Variants in RCAN1 observed in about 807,000 individuals in gnomAD.
The protein encoded by RCAN1 is calcipressin-1.
In RCAN1, 11 loss-of-function variants were observed where a neutral mutation model predicts 22.9. The ratio of observed to expected loss-of-function variants is 0.48; its 90% CI spans 0.30 to 0.79. The LOEUF is 0.79. Among genes scored for constraint, RCAN1 ranks in the 30% least tolerant of loss-of-function variants. The pLI, the probability that RCAN1 is intolerant of heterozygous loss-of-function variation, is 0.06. For synonymous variants in RCAN1, 136 were observed against 142.3 expected (o/e 0.96, Z 0.32); for missense variants, 291 against 337.8 (o/e 0.86, Z 1.09).
intron 1 of RCAN1, among the ~76,000 whole-genome samples, chr21:34,563,788 T>TAG (rs1349261254): frequency 5.5e-4 from 52 of 94,096 alleles, no homozygotes; most frequent in African/African-American, 1.2e-3. Flanking sequence ...TATATATATA[T>TAG]ATATATAGAG....
At chr21:34,542,445 C>A (rs12627718) in intron 1 of RCAN1, among the ~76,000 whole-genome samples, 1 of 151,962 alleles carries the variant, frequency 6.6e-6, no homozygotes, top group Non-Finnish European at 1.5e-5. Flanking sequence ...CATACAGAGA[C>A]GAACTGAGGC....
intron 3 of RCAN1, among the ~76,000 whole-genome samples, chr21:34,520,900 C>T (rs754817267): frequency 2.6e-5 from 4 of 152,212 alleles, no homozygotes; most frequent in Admixed American, 6.5e-5. Context: ...ACCCCCTCCC[C>T]GCAGTGCTCA....
At chr21:34,579,489 C>A (rs1987530600) in intron 1 of RCAN1, among the ~76,000 whole-genome samples, 1 of 152,170 alleles carries the variant, frequency 6.6e-6, no homozygotes, top group Admixed American at 6.5e-5. Context: ...TTTTAATAAG[C>A]TCTATAGGTG....
chr21:34,524,975 A>G, intron 1 of RCAN1: 1 of 1,460,186 alleles, frequency 6.8e-7, no homozygotes. Context: ...CCAGGCAAAA[A>G]CACTTAGGAC....
intron 1 of RCAN1, among the ~76,000 whole-genome samples, chr21:34,530,068 A>G (rs937569065): frequency 2.6e-5 from 4 of 152,136 alleles, no homozygotes; most frequent in African/African-American, 7.2e-5. Context: ...AGTCTTGGGT[A>G]TGTCTTGTCT....
intron 1 of RCAN1, among the ~76,000 whole-genome samples, chr21:34,567,306 C>A (rs537042046): frequency 6.6e-6 from 1 of 152,138 alleles, no homozygotes; most frequent in African/African-American, 2.4e-5. Context: ...ACCATCCAGG[C>A]TAACATGGTG....
intron 3 of RCAN1, among the ~76,000 whole-genome samples, chr21:34,519,158 C>T (rs898656598): frequency 3.9e-5 from 6 of 152,122 alleles, no homozygotes; most frequent in African/African-American, 1.4e-4. Context: ...TGAGTGAGTG[C>T]CCGAGGCAAT....
At chr21:34,596,113 C>G (rs1428712052) in intron 1 of RCAN1, among the ~76,000 whole-genome samples, 1 of 152,200 alleles carries the variant, frequency 6.6e-6, no homozygotes, top group Non-Finnish European at 1.5e-5. Context: ...ATCCCCGGAG[C>G]CCTGTGAGGT....
At chr21:34,596,371 G>A (rs994204823) in intron 1 of RCAN1, among the ~76,000 whole-genome samples, 8 of 152,126 alleles carry the variant, frequency 5.3e-5, no homozygotes, top group African/African-American at 1.4e-4. Context: ...GACCCACAGG[G>A]GCCCAGGGAC....
chr21:34,548,322 T>C (rs990975108), intron 1 of RCAN1, among the ~76,000 whole-genome samples: 6 of 152,160 alleles, frequency 3.9e-5, no homozygotes, highest in Non-Finnish European at 5.9e-5. Context: ...AAGTTACATA[T>C]GAAATTTTTT....
intron 1 of RCAN1, chr21:34,525,371 G>A: frequency 1.4e-6 from 2 of 1,465,262 alleles, no homozygotes; most frequent in Non-Finnish European, 1.8e-6. Context: ...ATCCCGCAGA[G>A]GCACGTGCGA....
chr21:34,546,833 G>A (rs1462327175), intron 1 of RCAN1, among the ~76,000 whole-genome samples: 2 of 152,164 alleles, frequency 1.3e-5, no homozygotes, highest in African/African-American at 2.4e-5. Flanking sequence ...CCCATTAAAA[G>A]GGGGAAACAG....
rs558662363 is a variant in RCAN1, at chr21:34,612,772, C to T, written c.252+1988G>A. Among the ~76,000 whole-genome samples, 8 of 152,332 alleles carry T rather than the reference C, an allele frequency of 5.3e-5. No individual in the cohort carries two copies. The South Asian group carries it at 1.4e-3, about 28-fold the overall frequency. Reference sequence around the variant, plus strand: ...AGGTTTCCAGCCACGTGACTTCCTCCCCCAGCTCCAGCTTCCAGCTGTTGC... The same window carrying T: ...AGGTTTCCAGCCACGTGACTTCCTCTCCCAGCTCCAGCTTCCAGCTGTTGC... On this transcript the variant is annotated intron_variant, in intron 1 of 3. Coordinates refer to ENST00000313806, the MANE Select transcript of RCAN1 (RefSeq NM_004414.7).
intron 1 of RCAN1, among the ~76,000 whole-genome samples, chr21:34,593,656 C>T (rs1988046393): frequency 6.6e-6 from 1 of 152,196 alleles, no homozygotes; most frequent in Non-Finnish European, 1.5e-5. Flanking sequence ...CTGCCAGAGA[C>T]TGAGAAGCTG....
chr21:34,521,292 C>A, intron 3 of RCAN1: 1 of 1,453,200 alleles, frequency 6.9e-7, no homozygotes, highest in Non-Finnish European at 9.0e-7. Flanking sequence ...CACGATCAGC[C>A]GCAGTCTCTC....
intron 1 of RCAN1, among the ~76,000 whole-genome samples, chr21:34,527,639 C>T (rs1470280863): frequency 2.6e-5 from 4 of 152,136 alleles, no homozygotes; most frequent in African/African-American, 9.7e-5. Flanking sequence ...AAACACTAGC[C>T]TTTGAAACTG....
At chr21:34,568,952 C>T (rs573248360) in intron 1 of RCAN1, among the ~76,000 whole-genome samples, 3 of 152,226 alleles carry the variant, frequency 2.0e-5, no homozygotes, top group African/African-American at 4.8e-5. Flanking sequence ...TACATGGCGG[C>T]GGCAAAGGAA....
chr21:34,575,385 C>T (rs572484347), intron 1 of RCAN1, among the ~76,000 whole-genome samples: 1 of 152,324 alleles, frequency 6.6e-6, no homozygotes, highest in East Asian at 1.9e-4. Flanking sequence ...GAGCTTCTAG[C>T]GTATGCCAAG....
rs1988766251 is a variant in RCAN1, at chr21:34,614,560, C to A, written c.252+200G>T. ...ACTCTGCAGTGAGCTCCGCGCGCCC[C>A]GGGGGTGCTAGGGGACCGGGACCCT... On this transcript the variant is annotated intron_variant, in intron 1 of 3. Coordinates refer to ENST00000313806, the MANE Select transcript of RCAN1 (RefSeq NM_004414.7). The surrounding 1 kb of genome is among the most constrained non-coding windows in gnomAD (Gnocchi z 6.0). The A allele has an allele frequency of 4.0e-6, 4 of 1,006,738 alleles. No individual in the cohort carries two copies. Among genetic ancestry groups the A allele is most frequent in the Non-Finnish European group, 4.9e-6 (4 of 824,218 alleles). The allele number at this position is 1,006,738 out of a possible 1,614,324, so 62.4% of individuals were successfully genotyped here.
Sources: allele counts gnomAD v4.1 joint callset (sites outside exome capture counted in the v4.1 genomes callset), GRCh38; gene constraint gnomAD v4.1.1; non-coding constraint Gnocchi (gnomAD v3.1); transcripts MANE v1.5; gene names NCBI Gene and HGNC (gene_info 2026-07-23, HGNC 2026-07-21).